The following CENPU variants were observed in gnomAD, a reference collection of about 807,000 sequenced individuals.
CENPU encodes centromere protein U, also known as KSHV latent nuclear antigen interacting protein 1.
Under a neutral mutation model 56.7 loss-of-function variants are expected in CENPU, and 46 were observed. The ratio of observed to expected loss-of-function variants is 0.81; its 90% CI spans 0.64 to 1.04. The LOEUF (loss-of-function observed/expected upper bound fraction) is 1.04, where lower values mean the gene tolerates loss of function less well. Ranked by LOEUF, CENPU falls within the 50% of genes least tolerant of loss-of-function variation. The pLI is 0.00. For synonymous variants in CENPU, 166 were observed against 163.0 expected (o/e 1.02, Z -0.14); for missense variants, 510 against 490.1 (o/e 1.04, Z -0.38).
chr4:184,734,043 C>G lies in CENPU; in HGVS notation c.20G>C (p.Arg7Pro), dbSNP rs564328792. 3.4e-5 allele frequency: 53 copies of G among 1,573,602 alleles called. No individual in the cohort carries two copies. In the East Asian group the frequency reaches 1.2e-3, roughly 34 times the overall value. The change falls in exon 1 of 13, where the codon CGG becomes CCG. Residue 7 changes from arginine (R) to proline (P), a missense_variant. By Grantham distance (103) the Arg-to-Pro change is moderately radical. Transcript: ENST00000281453. MAPRGRRRPRPHRSEGA... is the reference protein window; with the variant it reads MAPRGRPRPRPHRSEGA... ...CTCAGACCTGTGAGGCCGCGGCCGC[C>G]GCCGCCCCCGCGGGGCCATGGTGCC...
Position 184,716,379 on chromosome 4 carries a change from G to T in CENPU, c.618+18C>A, listed in dbSNP as rs575633665. On this transcript the variant is annotated intron_variant, in intron 6 of 12. Coordinates refer to ENST00000281453, the MANE Select transcript of CENPU (RefSeq NM_024629.4). ...ATAAACTTTTTTTGCCCTCCTAGGG[G>T]ATGGCAGACGTTCTTACCGATTGAC... The T allele has an allele frequency of 1.3e-6, 2 of 1,583,132 alleles. No individual in the cohort carries two copies. Among genetic ancestry groups the T allele is most frequent in the Non-Finnish European group, 1.7e-6 (2 of 1,155,642 alleles).
intron 11 of CENPU, 68 bp from the exon 12 acceptor site, chr4:184,697,871 T>C (rs1485960128): frequency 7.8e-7 from 1 of 1,281,676 alleles, no homozygotes; most frequent in Non-Finnish European, 1.1e-6. Flanking sequence ...AGGTTGTAAG[T>C]ACGCTGAGCG....
At chr4:184,726,875 G>T (rs895109373) in intron 3 of CENPU, among the ~76,000 whole-genome samples, 2 of 150,744 alleles carry the variant, frequency 1.3e-5, no homozygotes, top group African/African-American at 2.4e-5. Flanking sequence ...GACCACCTGA[G>T]GTCAAGGGTT....
chr4:184,710,071 C>CTGA lies in CENPU; in HGVS notation c.795_797dup (p.His265dup). 6.4e-7 allele frequency: 1 copy of CTGA among 1,569,680 alleles called. No homozygotes were observed. Among genetic ancestry groups the CTGA allele is most frequent in the Non-Finnish European group, 8.8e-7 (1 of 1,141,794 alleles). ...ATATAGCACATCATCAAAAGACTTA[C>CTGA]TGATGCTCTAGGTGGGTTTTCTCAA... On this transcript the variant is annotated inframe_insertion and splice_region_variant. Coordinates refer to ENST00000281453, the MANE Select transcript of CENPU (RefSeq NM_024629.4).
intron 8 of CENPU, among the ~76,000 whole-genome samples, chr4:184,703,847 CAT>C (rs1760628193): frequency 6.6e-6 from 1 of 152,166 alleles, no homozygotes; most frequent in South Asian, 2.1e-4. Flanking sequence ...ATGGATGGCA[CAT>C]ACAGTGGTAG....
chr4:184,723,364 C>T (rs920398777), intron 4 of CENPU, among the ~76,000 whole-genome samples: 1 of 152,116 alleles, frequency 6.6e-6, no homozygotes, highest in East Asian at 1.9e-4. Flanking sequence ...AGGGAAGAAT[C>T]GGGTTCTAGG....
chr4:184,695,967 A>G (rs1760280305), intron 12 of CENPU, among the ~76,000 whole-genome samples: 1 of 152,240 alleles, frequency 6.6e-6, no homozygotes, highest in South Asian at 2.1e-4. Context: ...TGTTAAAATT[A>G]GAATACAAAC....
intron 8 of CENPU, 38 bp downstream of exon 8, chr4:184,710,034 T>C: frequency 8.3e-7 from 1 of 1,208,618 alleles, no homozygotes. Flanking sequence ...TCAGGGGAAA[T>C]TTATTAGGTA....
At chr4:184,716,290 A>G (rs1344051576) in intron 6 of CENPU, 107 bp downstream of exon 6, 1 of 741,002 alleles carries the variant, frequency 1.3e-6, no homozygotes, top group East Asian at 2.7e-5. Context: ...AAAATATAAA[A>G]TTTATCTTTG....
rs759432923 is a variant in CENPU at position 184,712,940 on chromosome 4, C to T, written c.688+4G>A. On this transcript the variant is annotated splice_donor_region_variant and intron_variant, in intron 7 of 12. Coordinates refer to ENST00000281453, the MANE Select transcript of CENPU (RefSeq NM_024629.4). ...GTGACAAAGTATAAAACATCATTCT[C>T]TACCTGAGCCTATGGCTTTACTTCT... 1.9e-6 allele frequency: 3 copies of T among 1,565,132 alleles called. No individual in the cohort carries two copies. Among genetic ancestry groups the T allele is most frequent in the Non-Finnish European group, 2.6e-6 (3 of 1,147,958 alleles).
chr4:184,716,889 T>C (rs190311634), intron 5 of CENPU, among the ~76,000 whole-genome samples: 17 of 152,290 alleles, frequency 1.1e-4, no homozygotes, highest in Non-Finnish European at 1.6e-4. Flanking sequence ...GCTATGAAAA[T>C]TGACAAAGTA....
At chr4:184,717,001 T>A in intron 5 of CENPU, 135 bp downstream of exon 5, 1 of 643,632 alleles carries the variant, frequency 1.6e-6, no homozygotes, top group Non-Finnish European at 2.6e-6. Flanking sequence ...TTATGAAAAA[T>A]GGTGCTACGG....
rs1554010092 is a variant in CENPU at position 184,699,668 on chromosome 4, C to CTT, written c.986+1150_986+1151dup. On this transcript the variant is annotated intron_variant, in intron 11 of 12. Coordinates refer to ENST00000281453, the MANE Select transcript of CENPU (RefSeq NM_024629.4). ...CACTTAAACTCCTGTGGCAGTCTCT[C>CTT]TTTTTTTTTTGAGACACAGTTTCAC... 1,910 of 1,084,304 alleles carry CTT rather than the reference C, an allele frequency of 1.8e-3. 15 individuals are homozygous for CTT. In the African/African-American group the frequency reaches 0.025, roughly 14 times the overall value. 67.2% of individuals were successfully genotyped at this position (1,084,304 alleles called of 1,614,324 possible). A position where few individuals can be genotyped will look rare whatever the true frequency, so the allele number is the denominator to read the frequency against.
intron 4 of CENPU, among the ~76,000 whole-genome samples, chr4:184,722,488 T>C (rs1220570961): frequency 6.6e-6 from 1 of 152,102 alleles, no homozygotes; most frequent in Non-Finnish European, 1.5e-5. Flanking sequence ...TGCATTTATA[T>C]ATAGAAAAGA....
chr4:184,718,005 G>A (rs1028348863), intron 4 of CENPU, among the ~76,000 whole-genome samples: 12 of 152,172 alleles, frequency 7.9e-5, no homozygotes, highest in Admixed American at 2.0e-4. Flanking sequence ...AGAAAATAAC[G>A]AACGCTAGGG....
intron 7 of CENPU, among the ~76,000 whole-genome samples, chr4:184,711,493 C>A (rs867790659): frequency 6.6e-6 from 1 of 152,140 alleles, no homozygotes; most frequent in Non-Finnish European, 1.5e-5. Context: ...TACTGTGCAA[C>A]AGAACACCTG....
chr4:184,712,952 A>G lies in CENPU; in HGVS notation c.680T>C (p.Ile227Thr). ...AAAACATCATTCTCTACCTGAGCCT[A>G]TGGCTTTACTTCTTGATTTCTTCCT... ...DKRKKSRSKA[I>T]GSDTSDIVHI... Residue 227 changes from isoleucine to threonine, a missense_variant, in exon 7 of 13, where the codon ATA becomes ACA. By Grantham distance (89) the Ile-to-Thr change is moderately conservative. Transcript: ENST00000281453. 2 of 1,586,144 alleles carry G rather than the reference A, an allele frequency of 1.3e-6. No homozygotes were observed. Among genetic ancestry groups the G allele is most frequent in the Non-Finnish European group, 1.7e-6 (2 of 1,162,560 alleles).
chr4:184,710,119 C>T lies in CENPU; in HGVS notation c.750G>A (p.Glu250=), dbSNP rs776154706. 2 of 1,612,118 alleles carry T rather than the reference C, an allele frequency of 1.2e-6. No individual in the cohort carries two copies. Among genetic ancestry groups the T allele is most frequent in the East Asian group, 2.2e-5 (1 of 44,808 alleles). The stretch of plus-strand genomic sequence containing the variant: ...CAAATTCAGGCAAAACAATATTCAA[C>T]TCCTTGATGTCACTGGTTTTCATTC... ...PEGMKTSDIK[E]LNIVLPEFEK... Residue 250 remains glutamate, a synonymous_variant, in exon 8 of 13, where the codon GAG becomes GAA. Coordinates refer to ENST00000281453, the MANE Select transcript of CENPU (RefSeq NM_024629.4).
intron 1 of CENPU, among the ~76,000 whole-genome samples, chr4:184,731,176 T>C (rs1761632447): frequency 6.6e-6 from 1 of 152,212 alleles, no homozygotes; most frequent in South Asian, 2.1e-4. Flanking sequence ...GTTGGAATCC[T>C]GCTGTTAACT....
Sources: allele counts gnomAD v4.1 joint callset (sites outside exome capture counted in the v4.1 genomes callset), GRCh38; gene constraint gnomAD v4.1.1; transcripts MANE v1.5; gene names NCBI Gene and HGNC (gene_info 2026-07-23, HGNC 2026-07-21).